Variants in PCDHGA8 observed in about 807,000 individuals in gnomAD.
PCDHGA8 encodes protocadherin gamma subfamily A, 8.
PCDHGA8 carries 45 observed loss-of-function variants against 59.2 expected under a neutral mutation model. The observed-to-expected ratio is 0.76, with a 90% CI of 0.60 to 0.98. The LOEUF is 0.98. Ranked by LOEUF, PCDHGA8 falls within the 50% of genes least tolerant of loss-of-function variation. PCDHGA8 has a pLI of 0.00. For missense variants in PCDHGA8, 1,257 were observed against 1,196.2 expected, an observed-to-expected ratio of 1.05 and a Z score of -0.75; for synonymous variants, 531 against 519.0, an observed-to-expected ratio of 1.02 and a Z score of -0.32.
intron 1 of PCDHGA8, among the ~76,000 whole-genome samples, chr5:141,469,045 G>C (rs35157158): frequency 1.4e-3 from 207 of 152,234 alleles, no homozygotes; most frequent in Middle Eastern, 0.01. Flanking sequence ...GGGAGGCCAA[G>C]GTGGGAGGAT....
chr5:141,463,142 C>T (rs1229364880), intron 1 of PCDHGA8, among the ~76,000 whole-genome samples: 1 of 152,160 alleles, frequency 6.6e-6, no homozygotes, highest in Non-Finnish European at 1.5e-5. Context: ...CTTCGCCCAG[C>T]TGCAGAAAAG....
chr5:141,400,020 G>A (rs1589396224), intron 1 of PCDHGA8: 1 of 1,612,942 alleles, frequency 6.2e-7, no homozygotes, highest in South Asian at 1.1e-5. Context: ...TGGGCGACAG[G>A]GACGCGGCCC....
At chr5:141,446,312 T>C (rs2098498076) in intron 1 of PCDHGA8, among the ~76,000 whole-genome samples, 1 of 152,208 alleles carries the variant, frequency 6.6e-6, no homozygotes, top group African/African-American at 2.4e-5. Flanking sequence ...GAGTGATTCC[T>C]GGGTTTCCAC....
intron 1 of PCDHGA8, among the ~76,000 whole-genome samples, chr5:141,453,517 C>A (rs1001603927): frequency 1.3e-5 from 2 of 152,062 alleles, no homozygotes; most frequent in African/African-American, 4.8e-5. Flanking sequence ...TCATTCCTCC[C>A]CTATACCTTC....
intron 1 of PCDHGA8, chr5:141,418,548 T>C: frequency 6.2e-7 from 1 of 1,613,964 alleles, no homozygotes; most frequent in Non-Finnish European, 8.5e-7. Flanking sequence ...CAGATAAGAA[T>C]CCTGGTAATA....
At chr5:141,475,762 G>A (rs4151701) in intron 1 of PCDHGA8, among the ~76,000 whole-genome samples, 9,255 of 152,346 alleles carry the variant, frequency 0.061, 562 homozygotes, top group African/African-American at 0.16. Context: ...CACCGATACT[G>A]GCAAGGCGCT....
At chr5:141,400,007 C>T (rs907315450) in intron 1 of PCDHGA8, 30 of 1,612,624 alleles carry the variant, frequency 1.9e-5, no homozygotes, top group Non-Finnish European at 2.5e-5. Flanking sequence ...ACAGCGCGTG[C>T]CTTGGGCGAC....
At chr5:141,450,453 C>T (rs1202828231) in intron 1 of PCDHGA8, among the ~76,000 whole-genome samples, 3 of 152,058 alleles carry the variant, frequency 2.0e-5, no homozygotes, top group East Asian at 1.9e-4. Flanking sequence ...TATGTTTCCT[C>T]GTGATTTTAT....
Position 141,487,810 on chromosome 5 carries a change from C to T in PCDHGA8, c.2425-6997C>T. 7.1e-7 allele frequency: 1 copy of T among 1,417,854 alleles called. No homozygotes were observed. 87.8% of individuals were successfully genotyped at this position (1,417,854 alleles called of 1,614,324 possible). ...ATTAACCAGAGTTGTCACAGTTTAG[C>T]ATTGGGGGCGGGTCATGCCTATATC... is the stretch of plus-strand genomic sequence containing the variant. On this transcript the variant is annotated intron_variant, in intron 1 of 3. Coordinates refer to ENST00000398604, the MANE Select transcript of PCDHGA8 (RefSeq NM_032088.2). This position sits in a 1 kb window ranked among gnomAD's most constrained non-coding sequence, Gnocchi z 5.0.
rs767515334 is a variant in PCDHGA8, at chr5:141,403,753, C to A, written c.2424+8516C>A. ...CCTGGCTGCTTACTGCAACAGCCAG[C>A]GACCTGGATGAGGGAATCAACGGAA... is the stretch of plus-strand genomic sequence containing the variant. On this transcript the variant is annotated intron_variant, in intron 1 of 3. Transcript: ENST00000398604. The A allele has an allele frequency of 1.9e-6, 3 of 1,613,502 alleles. No individual in the cohort carries two copies. The Admixed American group carries it at 5.0e-5, about 27-fold the overall frequency.
At chr5:141,507,798 GCCCT>G (rs2099863561) in intron 3 of PCDHGA8, among the ~76,000 whole-genome samples, 1 of 152,188 alleles carries the variant, frequency 6.6e-6, no homozygotes, top group Admixed American at 6.5e-5. Context: ...CTAAGCCTGC[GCCCT>G]GGGGAACGGA....
chr5:141,415,740 GTTTTTTTTTTTTTTTTT>G (rs57426385), intron 1 of PCDHGA8: 62 of 625,030 alleles, frequency 9.9e-5, no homozygotes, highest in East Asian at 4.1e-4. Flanking sequence ...GTTTATTAAG[GTTTTTTTTTTTTTTTTT>G]TTTTTTTTTT....
rs777761385 is a variant in PCDHGA8 at position 141,489,558 on chromosome 5, G to T, written c.2425-5249G>T. 1.1e-5 allele frequency: 17 copies of T among 1,614,130 alleles called. No homozygotes were observed. In the South Asian group the frequency reaches 1.8e-4, roughly 17 times the overall value. On this transcript the variant is annotated intron_variant, in intron 1 of 3. Coordinates refer to ENST00000398604, the MANE Select transcript of PCDHGA8 (RefSeq NM_032088.2). The surrounding 1 kb of genome is among the most constrained non-coding windows in gnomAD (Gnocchi z 4.5). Reference sequence around the variant, plus strand: ...CCAGCACCAGCTGCCTGCTGCCAGTGCAGGTGGTGACTGAACACCCCCTGG... The same window carrying T: ...CCAGCACCAGCTGCCTGCTGCCAGTTCAGGTGGTGACTGAACACCCCCTGG...
intron 1 of PCDHGA8, among the ~76,000 whole-genome samples, chr5:141,401,503 C>T (rs755118621): frequency 6.6e-6 from 1 of 151,946 alleles, no homozygotes; most frequent in Non-Finnish European, 1.5e-5. Context: ...AATCCTTTTC[C>T]ACCTCTATAT....
intron 1 of PCDHGA8, chr5:141,400,006 G>T (rs758879836): frequency 1.9e-5 from 30 of 1,612,536 alleles, no homozygotes; most frequent in Non-Finnish European, 2.5e-5. Flanking sequence ...CACAGCGCGT[G>T]CCTTGGGCGA....
chr5:141,458,409 G>C (rs188300064), intron 1 of PCDHGA8, among the ~76,000 whole-genome samples: 1 of 152,244 alleles, frequency 6.6e-6, no homozygotes, highest in African/African-American at 2.4e-5. Context: ...GAGACGGAGC[G>C]GGGGTTCCAA....
intron 1 of PCDHGA8, chr5:141,400,422 T>C (rs1460679509): frequency 1.2e-6 from 2 of 1,613,936 alleles, no homozygotes; most frequent in Non-Finnish European, 1.7e-6. Flanking sequence ...TCCTAAAATG[T>C]AGTGAGCAAT....
chr5:141,428,116 A>G, intron 1 of PCDHGA8: 1 of 1,607,216 alleles, frequency 6.2e-7, no homozygotes, highest in Non-Finnish European at 8.5e-7. Flanking sequence ...CAGGCCATCG[A>G]GCCCGGGCTT....
At chr5:141,455,789 G>A (rs966897617) in intron 1 of PCDHGA8, among the ~76,000 whole-genome samples, 56 of 152,058 alleles carry the variant, frequency 3.7e-4, no homozygotes, top group African/African-American at 1.3e-3. Context: ...AACTTTTCCG[G>A]AGATGCTTTA....
Sources: allele counts gnomAD v4.1 joint callset (sites outside exome capture counted in the v4.1 genomes callset), GRCh38; gene constraint gnomAD v4.1.1; non-coding constraint Gnocchi (gnomAD v3.1); transcripts MANE v1.5; gene names NCBI Gene and HGNC (gene_info 2026-07-23, HGNC 2026-07-21).